DPP10: variants seen among roughly 807,000 people sequenced by gnomAD.
DPP10 encodes the protein inactive dipeptidyl peptidase 10.
DPP10 carries 33 observed loss-of-function variants against 120.9 expected under a neutral mutation model. The ratio of observed to expected loss-of-function variants is 0.27; its 90% CI spans 0.21 to 0.37. The LOEUF (loss-of-function observed/expected upper bound fraction) is 0.37, where lower values mean the gene tolerates loss of function less well. Ranked by LOEUF, DPP10 falls within the 10% of genes least tolerant of loss-of-function variation. The probability of loss-of-function intolerance (pLI) is 1.00; values close to 1 mark genes in which losing one functional copy is unlikely to be tolerated. For synonymous variants in DPP10, 337 were observed against 326.1 expected, an observed-to-expected ratio of 1.03 and a Z score of -0.36; for missense variants, 816 against 942.8, an observed-to-expected ratio of 0.87 and a Z score of 1.76.
chr2:114,495,704 A>T (rs1682452974), intron 1 of DPP10, among the ~76,000 whole-genome samples: 3 of 152,306 alleles, frequency 2.0e-5, no homozygotes, highest in Middle Eastern at 6.8e-3. Flanking sequence ...GGCCATTTAA[A>T]GATAAGGCCA....
intron 1 of DPP10, among the ~76,000 whole-genome samples, chr2:114,674,284 G>A (rs143099502): frequency 8.0e-4 from 122 of 151,692 alleles, no homozygotes; most frequent in African/African-American, 2.6e-3. Context: ...TCATTATAAC[G>A]TAAGTATTCT....
Position 115,791,135 on chromosome 2 carries a change from AG to A in DPP10, c.1587del (p.Ile530Ter). The A allele has an allele frequency of 6.2e-7, 1 of 1,613,670 alleles. No homozygotes were observed. The highest frequency in any genetic ancestry group is 8.5e-7 in the Non-Finnish European group (1 of 1,179,788). ...SMLKEAILKK[K>X]IGKPEIKILH... ...CTGAAGGAAGCTATCCTGAAGAAGA[AG>A]ATAGGAAAGCCAGAAATTAAAATCC... On this transcript the variant is annotated frameshift_variant, in exon 18 of 26. Coordinates refer to ENST00000410059, the MANE Select transcript of DPP10 (RefSeq NM_020868.6). LOFTEE classifies it high-confidence loss of function.
chr2:115,033,705 T>A (rs926031575), intron 1 of DPP10, among the ~76,000 whole-genome samples: 2 of 148,228 alleles, frequency 1.3e-5, no homozygotes, highest in Non-Finnish European at 3.0e-5. Context: ...TCCTTTTTTT[T>A]TTTTTTATTT....
rs922890431 is a variant in DPP10 at position 114,515,533 on chromosome 2, G to A, written c.60+72695G>A. Among the ~76,000 whole-genome samples, 6 of 152,058 alleles carry A rather than the reference G, an allele frequency of 3.9e-5. No homozygotes were observed. The South Asian group carries it at 1.2e-3, about 32-fold the overall frequency. ...CGTAGGTCTCAAATAAAGGTGCCTC[G>A]CTCCTCAGATAGATAGAAAATAGTA... On this transcript the variant is annotated intron_variant, in intron 1 of 25. Transcript: ENST00000410059.
intron 1 of DPP10, among the ~76,000 whole-genome samples, chr2:114,949,997 T>C (rs1356457000): frequency 6.6e-6 from 1 of 152,208 alleles, no homozygotes; most frequent in East Asian, 1.9e-4. Flanking sequence ...TCATCATCTT[T>C]TCAGAAATTT....
At chr2:114,721,178 C>T (rs1322345848) in intron 1 of DPP10, among the ~76,000 whole-genome samples, 5 of 152,186 alleles carry the variant, frequency 3.3e-5, no homozygotes, top group African/African-American at 1.2e-4. Flanking sequence ...ACTTCATTGC[C>T]TCCAGTGACT....
At chr2:115,680,052 C>T (rs1205779264) in intron 5 of DPP10, among the ~76,000 whole-genome samples, 1 of 151,896 alleles carries the variant, frequency 6.6e-6, no homozygotes, top group East Asian at 1.9e-4. Context: ...ATGCTAATTA[C>T]ACAGATTTAA....
At chr2:115,719,873 C>T (rs1327821552) in intron 7 of DPP10, among the ~76,000 whole-genome samples, 1 of 152,144 alleles carries the variant, frequency 6.6e-6, no homozygotes. Context: ...ATCGTTCACA[C>T]TATTGAAAAA....
intron 1 of DPP10, among the ~76,000 whole-genome samples, chr2:114,711,403 A>G (rs1223450388): frequency 6.6e-6 from 1 of 152,214 alleles, no homozygotes; most frequent in African/African-American, 2.4e-5. Context: ...GAGTTTGAGA[A>G]AATGGGTTCA....
chr2:115,020,093 C>G (rs1702962308), intron 1 of DPP10, among the ~76,000 whole-genome samples: 1 of 151,868 alleles, frequency 6.6e-6, no homozygotes, highest in Non-Finnish European at 1.5e-5. Flanking sequence ...AACAATAACA[C>G]AGTAGAAAAA....
intron 1 of DPP10, chr2:115,162,360 G>A (rs2104975437): frequency 7.2e-7 from 1 of 1,394,092 alleles, no homozygotes; most frequent in Middle Eastern, 2.5e-4. Context: ...GGGGCCTCTT[G>A]GTTCCCCATT....
intron 1 of DPP10, among the ~76,000 whole-genome samples, chr2:114,940,731 A>G (rs953961080): frequency 2.6e-5 from 4 of 152,188 alleles, no homozygotes; most frequent in East Asian, 3.9e-4. Flanking sequence ...ATAATATAGC[A>G]TTAAATGATA....
At chr2:114,983,091 G>A (rs1320452825) in intron 1 of DPP10, among the ~76,000 whole-genome samples, 1 of 152,054 alleles carries the variant, frequency 6.6e-6, no homozygotes, top group Non-Finnish European at 1.5e-5. Context: ...TATAACTAAT[G>A]ATGCATTATA....
At chr2:114,622,122 A>C (rs938757068) in intron 1 of DPP10, among the ~76,000 whole-genome samples, 1 of 152,038 alleles carries the variant, frequency 6.6e-6, no homozygotes, top group African/African-American at 2.4e-5. Context: ...GGAGTAGCTG[A>C]GGGTGTCTTC....
At position 115,213,481 on chromosome 2, in the gene DPP10, A is replaced by G. The variant is rs185256572; in HGVS notation, c.61-95758A>G. Among the ~76,000 whole-genome samples the G allele has an allele frequency of 1.3e-3, 194 of 152,176 alleles. 1 individual carries two copies. Among genetic ancestry groups the G allele is most frequent in the African/African-American group, 4.3e-3 (178 of 41,536 alleles). On this transcript the variant is annotated intron_variant, in intron 1 of 25. Transcript: ENST00000410059. ...GGAACAATGTGTGTTTACTTTATCT[A>G]TCTCCATCCTGACTGATCATATACT...
chr2:115,010,555 T>C (rs1177257735), intron 1 of DPP10, among the ~76,000 whole-genome samples: 1 of 152,146 alleles, frequency 6.6e-6, no homozygotes, highest in African/African-American at 2.4e-5. Context: ...TGTGTATATA[T>C]ATATAATCTG....
In DPP10 at chr2:115,363,944, G is replaced by A. The variant is rs112431217; in HGVS notation, c.271+20032G>A. Among the ~76,000 whole-genome samples, 788 of 152,236 alleles carry A rather than the reference G, an allele frequency of 5.2e-3. 5 individuals carry two copies. Among genetic ancestry groups the A allele is most frequent in the African/African-American group, 0.018 (737 of 41,536 alleles). On this transcript the variant is annotated intron_variant, in intron 3 of 25. Transcript: ENST00000410059. ...ACTTGATGGCTCAGGAAATGGAGCA[G>A]AGAGAGCTCGGTAACTTCCCTAGGC...
At chr2:115,344,582 G>A (rs770294399) in intron 3 of DPP10, among the ~76,000 whole-genome samples, 2 of 151,862 alleles carry the variant, frequency 1.3e-5, no homozygotes, top group Non-Finnish European at 2.9e-5. Context: ...TTCTGGCCTG[G>A]CAAATAGGAC....
chr2:115,415,860 T>C (rs1479782731), intron 3 of DPP10, among the ~76,000 whole-genome samples: 1 of 136,076 alleles, frequency 7.3e-6, no homozygotes, highest in African/African-American at 2.8e-5. Flanking sequence ...TATATATATA[T>C]ATATATATAT....
Sources: gnomAD v4.1 joint callset for allele counts (sites outside exome capture counted in the v4.1 genomes callset) on GRCh38, gnomAD v4.1.1 for gene constraint, MANE v1.5 for transcripts, NCBI Gene and HGNC (gene_info 2026-07-23, HGNC 2026-07-21) for gene names.